The following DPP10 variants were observed in gnomAD, a reference collection of about 807,000 sequenced individuals.
DPP10 encodes the protein dipeptidyl peptidase like 10.
DPP10 carries 33 observed loss-of-function variants against 120.9 expected under a neutral mutation model. That is an observed-to-expected ratio of 0.27 (90% CI 0.21 to 0.37). The LOEUF is 0.37. Among genes scored for constraint, DPP10 ranks in the 10% least tolerant of loss-of-function variants. The probability of loss-of-function intolerance (pLI) is 1.00; values close to 1 mark genes in which losing one functional copy is unlikely to be tolerated. For synonymous variants in DPP10, 337 were observed against 326.1 expected (o/e 1.03, Z -0.36); for missense variants, 816 against 942.8 (o/e 0.87, Z 1.76).
At chr2:115,492,361 G>T (rs953821449) in intron 3 of DPP10, among the ~76,000 whole-genome samples, 4 of 152,138 alleles carry the variant, frequency 2.6e-5, no homozygotes, top group East Asian at 1.9e-4. Flanking sequence ...AGTTTTGGGG[G>T]TATGTAGTTT....
chr2:115,608,215 C>A (rs529950433), intron 5 of DPP10, among the ~76,000 whole-genome samples: 66 of 152,026 alleles, frequency 4.3e-4, no homozygotes, highest in African/African-American at 1.5e-3. Context: ...TGGTAAAACC[C>A]CATCTCTACT....
chr2:115,581,123 T>C (rs1180154586), intron 5 of DPP10, among the ~76,000 whole-genome samples: 3 of 152,134 alleles, frequency 2.0e-5, no homozygotes, highest in Admixed American at 1.3e-4. Flanking sequence ...TTTCGTCTTT[T>C]AGAGTTTTAC....
chr2:114,876,277 G>A (rs999517650), intron 1 of DPP10, among the ~76,000 whole-genome samples: 10 of 152,074 alleles, frequency 6.6e-5, no homozygotes, highest in Non-Finnish European at 1.5e-5. Context: ...CACCAGCAGA[G>A]CAGGAAAAGC....
intron 1 of DPP10, among the ~76,000 whole-genome samples, chr2:114,640,201 C>T (rs1695604746): frequency 6.6e-6 from 1 of 151,986 alleles, no homozygotes; most frequent in Non-Finnish European, 1.5e-5. Context: ...TGGAGACCAA[C>T]AATAACTAGA....
chr2:114,663,668 T>TATATAGAGAGAGAGAGAGAG lies in DPP10; in HGVS notation c.60+220831_60+220832insTATAGAGAGAGAGAGAGAGA. ...ATATATATATATATATATATATATA[T>TATATAGAGAGAGAGAGAGAG]AGAGAGAGAGAGAGAGAGAGAGAGA... is the stretch of plus-strand genomic sequence containing the variant. On this transcript the variant is annotated intron_variant, in intron 1 of 25. Coordinates refer to ENST00000410059, the MANE Select transcript of DPP10 (RefSeq NM_020868.6). Among the ~76,000 whole-genome samples the TATATAGAGAGAGAGAGAGAG allele has an allele frequency of 9.0e-4, 73 of 80,698 alleles. 1 individual carries two copies. The highest frequency in any genetic ancestry group is 3.8e-3 in the African/African-American group (40 of 10,634). 52.9% of individuals were successfully genotyped at this position (80,698 alleles called of 152,430 possible). A position where few individuals can be genotyped will look rare whatever the true frequency, so the allele number is the denominator to read the frequency against.
chr2:115,215,397 T>C (rs141135927), intron 1 of DPP10, among the ~76,000 whole-genome samples: 1,564 of 152,312 alleles, frequency 0.01, 24 homozygotes, highest in African/African-American at 0.035. Context: ...GGCCATATAA[T>C]TTTGAGCATT....
chr2:115,101,536 C>T (rs2048693357), intron 1 of DPP10, among the ~76,000 whole-genome samples: 1 of 152,142 alleles, frequency 6.6e-6, no homozygotes, highest in South Asian at 2.1e-4. Flanking sequence ...GTAGGGAAGC[C>T]ACTTTCTCCT....
intron 1 of DPP10, among the ~76,000 whole-genome samples, chr2:114,555,433 C>G (rs531401352): frequency 6.6e-6 from 1 of 152,238 alleles, no homozygotes; most frequent in East Asian, 1.9e-4. Flanking sequence ...AAAAGCAAAT[C>G]AATACATTTC....
intron 10 of DPP10, among the ~76,000 whole-genome samples, chr2:115,748,066 A>G (rs1192694254): frequency 1.3e-5 from 2 of 152,098 alleles, no homozygotes; most frequent in African/African-American, 2.4e-5. Flanking sequence ...TATTAATAAC[A>G]TACTTTCTTC....
intron 1 of DPP10, among the ~76,000 whole-genome samples, chr2:115,297,515 A>G (rs1574335408): frequency 6.6e-6 from 1 of 152,088 alleles, no homozygotes; most frequent in African/African-American, 2.4e-5. Flanking sequence ...TAAATATTAT[A>G]CTAAGCCCAA....
At chr2:115,787,973 A>T (rs1430292509) in intron 17 of DPP10, among the ~76,000 whole-genome samples, 1 of 152,180 alleles carries the variant, frequency 6.6e-6, no homozygotes, top group Non-Finnish European at 1.5e-5. Flanking sequence ...AAAATTCTTA[A>T]TAGAAAAACA....
At chr2:115,312,133 T>C (rs1456968876) in intron 2 of DPP10, among the ~76,000 whole-genome samples, 2 of 152,294 alleles carry the variant, frequency 1.3e-5, no homozygotes, top group East Asian at 1.9e-4. Flanking sequence ...GATTTCACTA[T>C]TATTATTGGT....
chr2:115,152,083 AC>A (rs1466631410), intron 1 of DPP10, among the ~76,000 whole-genome samples: 1 of 152,032 alleles, frequency 6.6e-6, no homozygotes, highest in African/African-American at 2.4e-5. Flanking sequence ...AATATGTTAC[AC>A]TTTTGAAAAC....
chr2:114,838,803 G>A (rs1407132466), intron 1 of DPP10, among the ~76,000 whole-genome samples: 3 of 152,060 alleles, frequency 2.0e-5, no homozygotes, highest in Non-Finnish European at 4.4e-5. Context: ...TCTCATCAGT[G>A]TAGACTGACC....
At chr2:115,287,860 A>G (rs183440033) in intron 1 of DPP10, among the ~76,000 whole-genome samples, 87 of 152,256 alleles carry the variant, frequency 5.7e-4, no homozygotes, top group African/African-American at 1.9e-3. Flanking sequence ...ATCATAGACT[A>G]TTCCTTTCCA....
chr2:115,530,840 G>A (rs1210810363), intron 5 of DPP10, among the ~76,000 whole-genome samples: 1 of 152,112 alleles, frequency 6.6e-6, no homozygotes, highest in African/African-American at 2.4e-5. Flanking sequence ...CTGAGGTATA[G>A]CCCCAGCTTT....
At position 115,791,273 on chromosome 2, in the gene DPP10, T is replaced by C; in HGVS notation, c.1631-14T>C. On this transcript the variant is annotated splice_polypyrimidine_tract_variant and intron_variant, in intron 18 of 25. Coordinates refer to ENST00000410059, the MANE Select transcript of DPP10 (RefSeq NM_020868.6). The stretch of plus-strand genomic sequence containing the variant: ...TGACTCTCCATCTTTAATATTTTGC[T>C]CTTTCTTTAAAAGAACTTCCTTTAC... 6.2e-7 allele frequency: 1 copy of C among 1,608,902 alleles called. No individual in the cohort carries two copies. The highest frequency in any genetic ancestry group is 8.5e-7 in the Non-Finnish European group (1 of 1,178,304).
intron 1 of DPP10, among the ~76,000 whole-genome samples, chr2:115,052,725 G>T (rs553894117): frequency 2.9e-4 from 44 of 152,276 alleles, no homozygotes; most frequent in African/African-American, 1.0e-3. Context: ...GCCAAGGCAG[G>T]CAGATCACTT....
chr2:115,766,970 C>T (rs1030512344), intron 12 of DPP10, among the ~76,000 whole-genome samples: 2 of 152,080 alleles, frequency 1.3e-5, no homozygotes, highest in East Asian at 1.9e-4. Context: ...GATTTCAATA[C>T]GACATGAGAT....
Sources: allele counts gnomAD v4.1 joint callset (sites outside exome capture counted in the v4.1 genomes callset), GRCh38; gene constraint gnomAD v4.1.1; transcripts MANE v1.5; gene names NCBI Gene and HGNC (gene_info 2026-07-23, HGNC 2026-07-21).